The following CUX2 variants were observed in gnomAD, a reference collection of about 807,000 sequenced individuals.
CUX2 encodes the protein homeobox protein cut-like 2.
In CUX2, 40 loss-of-function variants were observed where a neutral mutation model predicts 144.8. The observed-to-expected ratio is 0.28, with a 90% CI of 0.21 to 0.36. The LOEUF (loss-of-function observed/expected upper bound fraction) is 0.36, where lower values mean the gene tolerates loss of function less well. CUX2 is among the 10% of genes least tolerant of loss of function. CUX2 has a pLI of 1.00. For missense variants in CUX2, 1,615 were observed against 1,994.0 expected (o/e 0.81, Z 3.62); for synonymous variants, 827 against 875.6 (o/e 0.94, Z 0.98).
chr12:111,308,740 C>T lies in CUX2; in HGVS notation c.1258+214C>T, dbSNP rs201653505. On this transcript the variant is annotated intron_variant, in intron 14 of 21. Coordinates refer to ENST00000261726, the MANE Select transcript of CUX2 (RefSeq NM_015267.4). The stretch of plus-strand genomic sequence containing the variant: ...TGGGGTCACACAGCTGGTTTGGGCC[C>T]TTCCAAGGCCCCCTAAAGAGCTCCA... 2.7e-4 allele frequency among the ~76,000 whole-genome samples: 41 copies of T among 152,306 alleles called. No homozygotes were observed. In the East Asian group the frequency reaches 6.4e-3, roughly 24 times the overall value.
rs183704158 is a variant in CUX2 at position 111,171,018 on chromosome 12, G to T, written c.64-43182G>T. On this transcript the variant is annotated intron_variant, in intron 1 of 21. Transcript: ENST00000261726. The surrounding 1 kb of genome is among the most constrained non-coding windows in gnomAD (Gnocchi z 5.0). ...AGGGGAGTGGGGAAGCGCCAGGTAG[G>T]GTCCAGCAAGGTGTTCTGGTTGCCC... Among the ~76,000 whole-genome samples the T allele has an allele frequency of 2.0e-4, 31 of 152,250 alleles. 1 individual carries two copies. The East Asian group carries it at 5.8e-3, about 28-fold the overall frequency.
At chr12:111,214,051 C>T in intron 1 of CUX2, 149 bp from the exon 2 acceptor site, 1 of 405,044 alleles carries the variant, frequency 2.5e-6, no homozygotes, top group Non-Finnish European at 4.4e-6. Flanking sequence ...TTATTTGTGC[C>T]AGGAGTCAAT....
intron 4 of CUX2, among the ~76,000 whole-genome samples, chr12:111,275,662 G>A (rs1382081308): frequency 6.6e-6 from 1 of 152,206 alleles, no homozygotes; most frequent in Non-Finnish European, 1.5e-5. Context: ...GCAGCACCTA[G>A]TATTTCCCCA....
chr12:111,074,490 T>G (rs886386713), intron 1 of CUX2, among the ~76,000 whole-genome samples: 3 of 151,988 alleles, frequency 2.0e-5, no homozygotes, highest in Admixed American at 1.3e-4. Flanking sequence ...CTCTCTGCTG[T>G]GAGTGAAGAT....
chr12:111,249,861 G>A (rs958380505), intron 3 of CUX2, among the ~76,000 whole-genome samples: 9 of 152,144 alleles, frequency 5.9e-5, no homozygotes, highest in East Asian at 1.9e-4. Context: ...CCAATTCCCC[G>A]ATGACTAACA....
chr12:111,325,522 G>T (rs1458369413), intron 18 of CUX2, among the ~76,000 whole-genome samples: 1 of 152,126 alleles, frequency 6.6e-6, no homozygotes, highest in Non-Finnish European at 1.5e-5. Flanking sequence ...GAGCACCCTG[G>T]GCTGTGGGCC....
rs1399348284 is a variant in CUX2 at position 111,061,501 on chromosome 12, C to G, written c.63+27261C>G. Among the ~76,000 whole-genome samples the G allele has an allele frequency of 2.0e-5, 3 of 152,088 alleles. No individual in the cohort carries two copies. The highest frequency in any genetic ancestry group is 2.9e-5 in the Non-Finnish European group (2 of 68,012). Reference sequence around the variant, plus strand: ...GTCGCCCCATTATCGGAGGGCTTTACAAATAGAGAAAAGAGGAAGAAGGAG... The same window carrying G: ...GTCGCCCCATTATCGGAGGGCTTTAGAAATAGAGAAAAGAGGAAGAAGGAG... On this transcript the variant is annotated intron_variant, in intron 1 of 21. Coordinates refer to ENST00000261726, the MANE Select transcript of CUX2 (RefSeq NM_015267.4). This position sits in a 1 kb window ranked among gnomAD's most constrained non-coding sequence, Gnocchi z 4.2.
chr12:111,194,034 C>T (rs1880071189), intron 1 of CUX2, among the ~76,000 whole-genome samples: 1 of 152,194 alleles, frequency 6.6e-6, no homozygotes, highest in Non-Finnish European at 1.5e-5. Context: ...CCTCCACATT[C>T]CTGCGGGGTC....
rs1227311025 is a variant in CUX2, at chr12:111,311,597, A to ATTT, written c.1901-501_1901-500insTTT. 8.0e-3 allele frequency among the ~76,000 whole-genome samples: 1,095 copies of ATTT among 136,266 alleles called. 22 individuals carry two copies. The highest frequency in any genetic ancestry group is 0.037 in the East Asian group (164 of 4,454). 89.4% of individuals were successfully genotyped at this position (136,266 alleles called of 152,430 possible). On this transcript the variant is annotated intron_variant, in intron 15 of 21. Coordinates refer to ENST00000261726, the MANE Select transcript of CUX2 (RefSeq NM_015267.4). ...AGCCACTGTACCCTATTTCTTTATT[A>ATTT]TTATTATTTTTTTTTTTTTGAGACG...
In CUX2 at chr12:111,293,471, C is replaced by G; in HGVS notation, c.462C>G (p.Ala154=). ...PKEQREGTSP[A]GPTLTEGSRL... Reference sequence around the variant, plus strand: ...AGCAGAGAGAGGGGACGTCGCCTGCCGGGCCCACGCTGACCGAGGGAAGCC... The same window carrying G: ...AGCAGAGAGAGGGGACGTCGCCTGCGGGGCCCACGCTGACCGAGGGAAGCC... The change falls in exon 6 of 22, where the codon GCC becomes GCG. Residue 154 remains alanine, a synonymous_variant. Transcript: ENST00000261726. The surrounding 1 kb of genome is among the most constrained non-coding windows in gnomAD (Gnocchi z 4.5). 6.2e-7 allele frequency: 1 copy of G among 1,608,484 alleles called. No individual in the cohort carries two copies. The highest frequency in any genetic ancestry group is 8.5e-7 in the Non-Finnish European group (1 of 1,178,468).
intron 1 of CUX2, among the ~76,000 whole-genome samples, chr12:111,097,204 G>C (rs1020426138): frequency 1.3e-5 from 2 of 152,166 alleles, no homozygotes; most frequent in African/African-American, 2.4e-5. Context: ...GGTGACATGA[G>C]ACCCTCAAAT....
chr12:111,131,797 G>A lies in CUX2; in HGVS notation c.64-82403G>A, dbSNP rs11830840. 9.7e-3 allele frequency among the ~76,000 whole-genome samples: 1,475 copies of A among 152,304 alleles called. 30 individuals carry two copies. Among genetic ancestry groups the A allele is most frequent in the African/African-American group, 0.034 (1,415 of 41,562 alleles). On this transcript the variant is annotated intron_variant, in intron 1 of 21. Coordinates refer to ENST00000261726, the MANE Select transcript of CUX2 (RefSeq NM_015267.4). ...GTTGATGCAAAAGATGGCTTCCCAT[G>A]GTCTTGGGCAGCTCCACCCCTGTGG...
At position 111,285,445 on chromosome 12, in the gene CUX2, G is replaced by A. The variant is rs57113353; in HGVS notation, c.302-5973G>A. ...GAGAATGGAAATCACCCATTAGTTA[G>A]AAGGTCTAACGGCCGAGCCATGAAC... On this transcript the variant is annotated intron_variant, in intron 4 of 21. Transcript: ENST00000261726. Among the ~76,000 whole-genome samples the A allele has an allele frequency of 2.4e-3, 363 of 152,270 alleles. 1 individual carries two copies. The highest frequency in any genetic ancestry group is 8.4e-3 in the African/African-American group (348 of 41,542).
At chr12:111,110,122 A>G (rs1037453492) in intron 1 of CUX2, among the ~76,000 whole-genome samples, 1 of 151,400 alleles carries the variant, frequency 6.6e-6, no homozygotes, top group Admixed American at 6.6e-5. Context: ...GGCTCAAGCA[A>G]TCCTCCCACC....
intron 16 of CUX2, among the ~76,000 whole-genome samples, chr12:111,318,245 C>CTTTTT (rs541676829): frequency 1.3e-5 from 1 of 78,896 alleles, no homozygotes; most frequent in African/African-American, 7.1e-5. Context: ...TTTCTTTTTT[C>CTTTTT]TTTTTTTTTT....
chr12:111,328,258 T>C (rs1887909650), intron 18 of CUX2, among the ~76,000 whole-genome samples: 1 of 152,090 alleles, frequency 6.6e-6, no homozygotes, highest in Non-Finnish European at 1.5e-5. Flanking sequence ...TGTCAGGACC[T>C]GTCCAAGCCC....
chr12:111,335,959 C>T (rs1354476576), intron 19 of CUX2, among the ~76,000 whole-genome samples: 1 of 151,304 alleles, frequency 6.6e-6, no homozygotes, highest in African/African-American at 2.4e-5. Flanking sequence ...GGTGAGATCC[C>T]AGGGCACTGG....
At chr12:111,296,582 TCCCA>T in intron 8 of CUX2, 43 bp downstream of exon 8, 1 of 1,559,094 alleles carries the variant, frequency 6.4e-7, no homozygotes, top group East Asian at 2.3e-5. Context: ...CTTGGAGGCC[TCCCA>T]GACAGGCCTC....
chr12:111,218,583 C>A (rs927797452), intron 3 of CUX2, among the ~76,000 whole-genome samples: 16 of 152,146 alleles, frequency 1.1e-4, no homozygotes, highest in Non-Finnish European at 2.4e-4. Flanking sequence ...CACCTTCCAG[C>A]CTTGGTTTCC....
Sources: allele counts gnomAD v4.1 joint callset (sites outside exome capture counted in the v4.1 genomes callset), GRCh38; gene constraint gnomAD v4.1.1; non-coding constraint Gnocchi (gnomAD v3.1); transcripts MANE v1.5; gene names NCBI Gene and HGNC (gene_info 2026-07-23, HGNC 2026-07-21).